Variants in SAMD5 observed in about 807,000 individuals in gnomAD.
SAMD5 encodes the protein sterile alpha motif domain-containing protein 5.
In SAMD5, 13 loss-of-function variants were observed where a neutral mutation model predicts 11.3. That is an observed-to-expected ratio of 1.15 (90% CI 0.75 to 1.83). SAMD5 has a LOEUF of 1.83. Ranked by LOEUF, SAMD5 falls within the 40% of genes most tolerant of loss-of-function variation. SAMD5 has a pLI of 0.00. For missense variants in SAMD5, 255 were observed against 239.1 expected, an observed-to-expected ratio of 1.07 and a Z score of -0.44; for synonymous variants, 129 against 111.3, an observed-to-expected ratio of 1.16 and a Z score of -1.00.
chr6:147,712,032 A>G (rs549764685), intron 1 of SAMD5, among the ~76,000 whole-genome samples: 1 of 152,234 alleles, frequency 6.6e-6, no homozygotes, highest in Non-Finnish European at 1.5e-5. Context: ...TTTGAAGAAA[A>G]TGTCTCTCGT....
chr6:147,767,792 A>C, the SAMD5 span, among the ~76,000 whole-genome samples: 15,487 of 152,238 alleles, frequency 0.1, 948 homozygotes, highest in African/African-American at 0.14. Context: ...GTGCTAATGC[A>C]TGAGGGGTCA....
rs1789109096 is a variant in SAMD5 at position 147,569,871 on chromosome 6, T to G, written c.*5415T>G. ...TGCAATTGACACTTTCTTTTCCCTT[T>G]CAGTTATTATTTTTTTTAAAGGACG... On this transcript the variant is annotated 3_prime_UTR_variant, in exon 2 of 2. Coordinates refer to ENST00000367474, the MANE Select transcript of SAMD5 (RefSeq NM_001030060.3). 11 of 985,274 alleles carry G rather than the reference T, an allele frequency of 1.1e-5. No individual in the cohort carries two copies. Among genetic ancestry groups the G allele is most frequent in the Non-Finnish European group, 1.3e-5 (11 of 829,782 alleles). 61.0% of individuals were successfully genotyped at this position (985,274 alleles called of 1,614,324 possible).
the SAMD5 span, among the ~76,000 whole-genome samples, chr6:147,790,785 TCTCTCTCTCTCTCTCTCTCTC>T: frequency 0.092 from 10,379 of 112,706 alleles, 689 homozygotes; most frequent in African/African-American, 0.21. Flanking sequence ...TCTCTCTCTC[TCTCTCTCTCTCTCTCTCTCTC>T]TCTCTCTCTC....
chr6:147,904,459 C>T, the SAMD5 span, among the ~76,000 whole-genome samples: 1 of 152,194 alleles, frequency 6.6e-6, no homozygotes, highest in South Asian at 2.1e-4. Context: ...CAGCCTCTGT[C>T]AGTCTAGTCA....
the SAMD5 span, among the ~76,000 whole-genome samples, chr6:147,755,498 G>A: frequency 6.6e-6 from 1 of 152,054 alleles, no homozygotes; most frequent in Admixed American, 6.6e-5. Flanking sequence ...GTGGGAAAAT[G>A]TAAAACTGCT....
chr6:147,509,278 C>G lies in SAMD5; in HGVS notation c.350C>G (p.Pro117Arg). 1 of 1,561,454 alleles carries G rather than the reference C, an allele frequency of 6.4e-7. No homozygotes were observed. The highest frequency in any genetic ancestry group is 1.2e-5 in the South Asian group (1 of 84,992). ...RGDSRGHTTA[P>R]RSRELVSYPK... ...GACTCTCGCGGCCACACGACCGCCC[C>G]CCGCAGCAGGGAGCTGGTGAGCTAC... The change falls in exon 1 of 2, where the codon CCC (proline) becomes CGC (arginine). Residue 117 changes from proline to arginine, a missense_variant. Transcript: ENST00000367474.
the SAMD5 span, among the ~76,000 whole-genome samples, chr6:147,872,128 CATG>C: frequency 6.6e-6 from 1 of 152,142 alleles, no homozygotes; most frequent in African/African-American, 2.4e-5. Flanking sequence ...ATTATTAAGA[CATG>C]GTCTTGCTCT....
the SAMD5 span, among the ~76,000 whole-genome samples, chr6:147,876,650 C>G: frequency 6.6e-6 from 1 of 152,178 alleles, no homozygotes; most frequent in African/African-American, 2.4e-5. Context: ...TGTCAGAGGA[C>G]AAAAATACTG....
At chr6:147,690,802 T>C (rs763686916) in intron 1 of SAMD5, among the ~76,000 whole-genome samples, 8 of 152,174 alleles carry the variant, frequency 5.3e-5, no homozygotes, top group Non-Finnish European at 8.8e-5. Context: ...ATGTTTCCTC[T>C]CTGGAAATGA....
intron 1 of SAMD5, among the ~76,000 whole-genome samples, chr6:147,659,830 T>A (rs190496183): frequency 4.7e-4 from 72 of 152,296 alleles, no homozygotes; most frequent in African/African-American, 1.7e-3. Flanking sequence ...TAACTTGTAG[T>A]AGCTGGAAAC....
At chr6:147,954,497 G>A in the SAMD5 span, among the ~76,000 whole-genome samples, 1 of 152,122 alleles carries the variant, frequency 6.6e-6, no homozygotes, top group Non-Finnish European at 1.5e-5. Flanking sequence ...CTAAGTGTAA[G>A]GTGTTTTTAA....
At chr6:147,799,422 T>G in the SAMD5 span, among the ~76,000 whole-genome samples, 1 of 151,946 alleles carries the variant, frequency 6.6e-6, no homozygotes, top group Non-Finnish European at 1.5e-5. Context: ...CTTGTAGGGT[T>G]TCTGCCGAGA....
intron 1 of SAMD5, among the ~76,000 whole-genome samples, chr6:147,551,889 C>T (rs1788781872): frequency 8.4e-6 from 1 of 119,040 alleles, no homozygotes; most frequent in Non-Finnish European, 1.7e-5. Flanking sequence ...ATTTTTAAAC[C>T]TGAAAAACCA....
chr6:147,608,731 G>C (rs2128448907), intron 1 of SAMD5, among the ~76,000 whole-genome samples: 1 of 152,232 alleles, frequency 6.6e-6, no homozygotes, highest in East Asian at 1.9e-4. Context: ...CCTACTATTT[G>C]ACAGCACAAT....
intron 1 of SAMD5, among the ~76,000 whole-genome samples, chr6:147,652,525 A>G (rs572648058): frequency 1.3e-5 from 2 of 152,262 alleles, no homozygotes; most frequent in African/African-American, 4.8e-5. Flanking sequence ...TTCAGTAGCA[A>G]TGGTGGTCTA....
At chr6:147,636,850 T>G (rs1189961092) in intron 1 of SAMD5, among the ~76,000 whole-genome samples, 3 of 152,218 alleles carry the variant, frequency 2.0e-5, no homozygotes, top group African/African-American at 7.2e-5. Flanking sequence ...TACCTACTAT[T>G]GTATTATGGT....
intron 1 of SAMD5, among the ~76,000 whole-genome samples, chr6:147,628,973 G>C (rs1790099239): frequency 6.6e-6 from 1 of 151,946 alleles, no homozygotes; most frequent in Non-Finnish European, 1.5e-5. Flanking sequence ...AAATTTCTTG[G>C]GTAGATAGAT....
chr6:147,671,863 GTTTC>G (rs1211352107), intron 1 of SAMD5, among the ~76,000 whole-genome samples: 1 of 115,256 alleles, frequency 8.7e-6, no homozygotes, highest in African/African-American at 3.3e-5. Flanking sequence ...AATAGGACAT[GTTTC>G]TTCTCATTTT....
At chr6:147,577,406 A>G (rs1789232310) in intron 1 of SAMD5, among the ~76,000 whole-genome samples, 1 of 152,204 alleles carries the variant, frequency 6.6e-6, no homozygotes, top group Non-Finnish European at 1.5e-5. Flanking sequence ...TAATTAAGGC[A>G]TAGTTTTGGA....
Sources: gnomAD v4.1 joint callset for allele counts (sites outside exome capture counted in the v4.1 genomes callset) on GRCh38, gnomAD v4.1.1 for gene constraint, MANE v1.5 for transcripts, NCBI Gene and HGNC (gene_info 2026-07-23, HGNC 2026-07-21) for gene names.